SYNDIG1L: variants seen among roughly 807,000 people sequenced by gnomAD.
The protein encoded by SYNDIG1L is synapse differentiation inducing 1 like.
In SYNDIG1L, 13 loss-of-function variants were observed where a neutral mutation model predicts 20.1. That is an observed-to-expected ratio of 0.65 (90% confidence interval 0.42 to 1.03). The LOEUF is 1.03. Ranked by LOEUF, SYNDIG1L falls within the 50% of genes least tolerant of loss-of-function variation. SYNDIG1L has a pLI of 0.00. For missense variants in SYNDIG1L, 294 were observed against 305.1 expected (o/e 0.96, Z 0.27); for synonymous variants, 128 against 129.3 (o/e 0.99, Z 0.07).
chr14:74,431,097 T>A (rs138811399), upstream of SYNDIG1L, among the ~76,000 whole-genome samples: 387 of 152,270 alleles, frequency 2.5e-3, 3 homozygotes, highest in African/African-American at 8.8e-3. Context: ...AAAGAGGCCT[T>A]CTTTGCCTTC....
intron 1 of SYNDIG1L, among the ~76,000 whole-genome samples, chr14:74,424,354 C>A (rs1162380067): frequency 2.0e-5 from 3 of 152,088 alleles, no homozygotes; most frequent in Admixed American, 2.0e-4. Context: ...TGCTTTTATT[C>A]TGATACACTT....
the SYNDIG1L span, chr14:74,479,927 A>G: frequency 8.2e-7 from 1 of 1,222,412 alleles, no homozygotes; most frequent in Non-Finnish European, 1.0e-6. Flanking sequence ...GCAGGAGAAG[A>G]CCACAGCCCA....
At chr14:74,463,061 C>T in the SYNDIG1L span, among the ~76,000 whole-genome samples, 1 of 152,186 alleles carries the variant, frequency 6.6e-6, no homozygotes. Context: ...CCTTCACAGC[C>T]GGACTTCTTG....
At position 74,407,615 on chromosome 14, in the gene SYNDIG1L, C is replaced by T. The variant is rs779184482; in HGVS notation, c.637G>A (p.Ala213Thr). Residue 213 changes from alanine to threonine, a missense_variant, in exon 4 of 4, where the codon GCC becomes ACC. Ala to Thr is a moderately conservative substitution (Grantham distance 58). Transcript: ENST00000331628. The part of the protein sequence containing the change: ...SRRALFLATL[A>T]IAVGAGLYVA... ...TAGAGACCGGCCCCCACGGCGATGGCGAGTGTGGCTAGGAAGAGGGCCCGG... is the reference window on the plus strand; with the variant it reads ...TAGAGACCGGCCCCCACGGCGATGGTGAGTGTGGCTAGGAAGAGGGCCCGG... 24 of 1,613,884 alleles carry T rather than the reference C, an allele frequency of 1.5e-5. No individual in the cohort carries two copies. The highest frequency in any genetic ancestry group is 6.7e-5 in the Admixed American group (4 of 59,988).
At chr14:74,433,390 C>CT in the SYNDIG1L span, among the ~76,000 whole-genome samples, 385 of 146,606 alleles carry the variant, frequency 2.6e-3, 4 homozygotes, top group East Asian at 0.044. Context: ...GATTTAATTC[C>CT]TTTTTTTTTT....
At chr14:74,456,732 G>A in the SYNDIG1L span, among the ~76,000 whole-genome samples, 1 of 152,128 alleles carries the variant, frequency 6.6e-6, no homozygotes, top group Non-Finnish European at 1.5e-5. Context: ...CCACTGTCCA[G>A]GAGCCTGGTG....
intron 1 of SYNDIG1L, among the ~76,000 whole-genome samples, chr14:74,420,389 T>TAAA (rs1491311619): frequency 1.6e-5 from 1 of 61,340 alleles, no homozygotes. Context: ...TGAGACTCTG[T>TAAA]CAAAAAAAAA....
the SYNDIG1L span, among the ~76,000 whole-genome samples, chr14:74,475,037 C>T: frequency 6.6e-6 from 1 of 152,092 alleles, no homozygotes; most frequent in Admixed American, 6.5e-5. Context: ...GGTTAAGTGT[C>T]TTAAAAAGAG....
At chr14:74,432,649 A>G in the SYNDIG1L span, among the ~76,000 whole-genome samples, 1 of 152,300 alleles carries the variant, frequency 6.6e-6, no homozygotes, top group East Asian at 1.9e-4. Flanking sequence ...TGAGGTCAGG[A>G]GTTCGAGACC....
chr14:74,429,495 T>G (rs1389478510), upstream of SYNDIG1L, among the ~76,000 whole-genome samples: 1 of 152,200 alleles, frequency 6.6e-6, no homozygotes, highest in Non-Finnish European at 1.5e-5. Flanking sequence ...GCACCAAGCA[T>G]AGAGAGGCCT....
At chr14:74,472,322 C>A in the SYNDIG1L span, 1 of 152,210 alleles carries the variant, frequency 6.6e-6, no homozygotes, top group South Asian at 2.1e-4. Context: ...CTTACAGGGG[C>A]TCCCTGTTTG....
At chr14:74,436,457 T>G in the SYNDIG1L span, among the ~76,000 whole-genome samples, 3 of 152,056 alleles carry the variant, frequency 2.0e-5, no homozygotes, top group East Asian at 3.9e-4. Context: ...CAGGCTGGTC[T>G]CAAACTCCTG....
At chr14:74,477,091 A>ACAC in the SYNDIG1L span, among the ~76,000 whole-genome samples, 1 of 33,734 alleles carries the variant, frequency 3.0e-5, no homozygotes, top group African/African-American at 1.3e-4. Context: ...CACACACACA[A>ACAC]CCCTGTCTCC....
intron 1 of SYNDIG1L, among the ~76,000 whole-genome samples, chr14:74,415,455 A>G (rs1338750933): frequency 3.3e-5 from 5 of 152,170 alleles, no homozygotes; most frequent in Admixed American, 1.3e-4. Flanking sequence ...TGGTTGAGGG[A>G]CCACACTTTA....
At chr14:74,477,039 AACACACACACACACACACACAC>A in the SYNDIG1L span, among the ~76,000 whole-genome samples, 3 of 97,016 alleles carry the variant, frequency 3.1e-5, no homozygotes, top group African/African-American at 4.7e-5. Flanking sequence ...CCCCATTCCC[AACACACACACACACACACACAC>A]ACACACACAC....
the SYNDIG1L span, among the ~76,000 whole-genome samples, chr14:74,463,972 A>C: frequency 6.6e-6 from 1 of 152,208 alleles, no homozygotes; most frequent in Non-Finnish European, 1.5e-5. Context: ...CTCAGGATCT[A>C]CACTGCGGCA....
At chr14:74,417,282 C>G (rs1372921391) in intron 1 of SYNDIG1L, among the ~76,000 whole-genome samples, 1 of 152,198 alleles carries the variant, frequency 6.6e-6, no homozygotes, top group Admixed American at 6.5e-5. Context: ...AACAGCTGGC[C>G]TGAACAGGAC....
the SYNDIG1L span, among the ~76,000 whole-genome samples, chr14:74,435,559 TTG>T: frequency 6.6e-6 from 1 of 152,210 alleles, no homozygotes; most frequent in Admixed American, 6.5e-5. Context: ...TAGTGATGTT[TTG>T]TGTTTTCAAA....
At chr14:74,416,478 A>T (rs982931160) in intron 1 of SYNDIG1L, among the ~76,000 whole-genome samples, 3 of 152,094 alleles carry the variant, frequency 2.0e-5, no homozygotes, top group Admixed American at 6.5e-5. Context: ...TACAAAAAAT[A>T]AAAAAATCAA....
Sources: allele counts gnomAD v4.1 joint callset (sites outside exome capture counted in the v4.1 genomes callset), GRCh38; gene constraint gnomAD v4.1.1; transcripts MANE v1.5; gene names NCBI Gene and HGNC (gene_info 2026-07-23, HGNC 2026-07-21).